Variants in KMT2D observed in about 807,000 individuals in gnomAD.
KMT2D encodes the protein lysine methyltransferase 2D.
A neutral mutation model predicts 512.7 loss-of-function variants in KMT2D; 55 were observed. That is an observed-to-expected ratio of 0.11 (90% CI 0.09 to 0.13). The LOEUF (loss-of-function observed/expected upper bound fraction) is 0.13. KMT2D is among the 10% of genes least tolerant of loss of function. The pLI is 1.00. For missense variants in KMT2D, 6,061 were observed against 7,127.9 expected (o/e 0.85, Z 5.39); for synonymous variants, 2,995 against 2,904.0 (o/e 1.03, Z -1.01).
rs776127830 is a variant in KMT2D at position 49,032,163 on chromosome 12, G to C, written c.12542C>G (p.Ser4181Cys). The change falls in exon 40 of 55, where the codon TCT (serine) becomes TGT (cysteine). Residue 4181 changes from serine (S) to cysteine (C), a missense_variant. By Grantham distance (112) the Ser-to-Cys change is moderately radical. Coordinates refer to ENST00000301067, the MANE Select transcript of KMT2D (RefSeq NM_003482.4). The part of the protein sequence containing the change: ...QPPKPGPVLQ[S>C]GQGLPGVGIM... ...TCCAACCCCAGGCAGACCCTGCCCA[G>C]ACTGGAGGACAGGTCCTGGTTTGGG... 26 of 1,613,052 alleles carry C rather than the reference G, an allele frequency of 1.6e-5. No individual in the cohort carries two copies. The highest frequency in any genetic ancestry group is 1.9e-5 in the Non-Finnish European group (22 of 1,179,334).
intron 1 of KMT2D, among the ~76,000 whole-genome samples, chr12:49,058,819 A>G (rs915157020): frequency 5.3e-5 from 8 of 152,178 alleles, no homozygotes; most frequent in African/African-American, 1.9e-4. Context: ...GGAGAAGGCA[A>G]AAGACAAAAG....
rs2120641753 is a variant in KMT2D, at chr12:49,049,858, C to A, written c.3730G>T (p.Val1244Phe). 1 of 1,613,962 alleles carries A rather than the reference C, an allele frequency of 6.2e-7. No homozygotes were observed. The highest frequency in any genetic ancestry group is 1.1e-5 in the South Asian group (1 of 91,082). ...CGGGCTGGACTAACATCCGTAGAGACCCCCAACTCCATGGACAGGGAGCCA... is the reference window on the plus strand; with the variant it reads ...CGGGCTGGACTAACATCCGTAGAGAACCCCAACTCCATGGACAGGGAGCCA... ...GGGSLSMELG[V>F]STDVSPARDE... The change falls in exon 12 of 55, where the codon GTC becomes TTC. Residue 1244 changes from valine (V) to phenylalanine (F), a missense_variant. Val to Phe is a conservative substitution (Grantham distance 50, BLOSUM62 -1). Around this residue, in one of 16 missense-constraint regions of KMT2D, gnomAD observed 447 missense variants for 500.1 expected, o/e 0.89. Transcript: ENST00000301067.
chr12:49,034,922 A>G lies in KMT2D; in HGVS notation c.10245T>C (p.Phe3415=). 6.2e-7 allele frequency: 1 copy of G among 1,613,992 alleles called. No individual in the cohort carries two copies. The highest frequency in any genetic ancestry group is 8.5e-7 in the Non-Finnish European group (1 of 1,179,888). Residue 3415 remains phenylalanine (F), a synonymous_variant, in exon 36 of 55, where the codon TTT becomes TTC. Transcript: ENST00000301067. The part of the protein sequence containing the change: ...SFFPDTDLDK[F]AAEDIIDPIA... ...TGGGATCAATGATATCTTCTGCAGCAAATTTGTCCAGGTCTGGAGAGGGGA... is the reference window on the plus strand; with the variant it reads ...TGGGATCAATGATATCTTCTGCAGCGAATTTGTCCAGGTCTGGAGAGGGGA...
chr12:49,033,764 A>C lies in KMT2D; in HGVS notation c.10941T>G (p.Pro3647=), dbSNP rs746567736. Residue 3647 remains proline, a synonymous_variant, in exon 40 of 55, where the codon CCT becomes CCG. Transcript: ENST00000301067. Reference sequence around the variant, plus strand: ...GAAGACCTCCGGCTTGCCCACCCGGAGGCCCCTGTGGTGGCTGCAGCCCAT... The same window carrying C: ...GAAGACCTCCGGCTTGCCCACCCGGCGGCCCCTGTGGTGGCTGCAGCCCAT... The part of the protein sequence containing the change: ...PGHGLQPPQG[P]PGGQAGGLRL... The C allele has an allele frequency of 1.2e-6, 2 of 1,611,502 alleles. No individual in the cohort carries two copies. The highest frequency in any genetic ancestry group is 4.5e-5 in the East Asian group (2 of 44,846).
In KMT2D at chr12:49,042,258, C is replaced by A. The variant is rs529189972; in HGVS notation, c.5940G>T (p.Thr1980=). The A allele has an allele frequency of 6.3e-7, 1 of 1,581,314 alleles. No individual in the cohort carries two copies. The highest frequency in any genetic ancestry group is 1.3e-5 in the African/African-American group (1 of 74,262). Residue 1980 remains threonine (T), a synonymous_variant, in exon 29 of 55, where the codon ACG becomes ACT. Transcript: ENST00000301067. The surrounding 1 kb of genome is among the most constrained non-coding windows in gnomAD (Gnocchi z 4.4). The part of the protein sequence containing the change: ...DSPWTGSGGT[T]PSTPTTPTTE... ...TGGTGGGGGTTGTGGGGGTGGAGGG[C>A]GTGGTGCCACCTGAGCCCGTCCAGG...
Position 49,059,710 on chromosome 12 carries a change from C to T in KMT2D, c.-135G>A, listed in dbSNP as rs1938622682. 1 of 152,012 alleles carries T rather than the reference C, an allele frequency of 6.6e-6. No individual in the cohort carries two copies. 9.4% of individuals were successfully genotyped at this position (152,012 alleles called of 1,614,324 possible). ...CCGCCAGAGCGATCACAGCCGCCCC[C>T]CGCACGGGGGGGCTTAGGGGGGCCA... On this transcript the variant is annotated 5_prime_UTR_variant, in exon 1 of 55. Coordinates refer to ENST00000301067, the MANE Select transcript of KMT2D (RefSeq NM_003482.4).
rs78764337 is a variant in KMT2D, at chr12:49,043,616, T to A, written c.5467+19A>T. 1.2e-6 allele frequency: 2 copies of A among 1,613,396 alleles called. No homozygotes were observed. Among genetic ancestry groups the A allele is most frequent in the Non-Finnish European group, 1.7e-6 (2 of 1,179,550 alleles). On this transcript the variant is annotated intron_variant, in intron 24 of 54. Transcript: ENST00000301067. ...AGAAAGTTGGATTCTCTCACACCAC[T>A]CACTCCCACATAACTAACCTTTCTG...
Position 49,032,914 on chromosome 12 carries a change from G to A in KMT2D, c.11791C>T (p.Leu3931Phe), listed in dbSNP as rs996158824. 44 of 1,550,104 alleles carry A rather than the reference G, an allele frequency of 2.8e-5. No individual in the cohort carries two copies. The highest frequency in any genetic ancestry group is 3.5e-5 in the Non-Finnish European group (40 of 1,146,918). The change falls in exon 40 of 55, where the codon CTT (leucine) becomes TTT (phenylalanine). Residue 3931 changes from leucine (L) to phenylalanine (F), a missense_variant. Transcript: ENST00000301067. ...TGCTGCTGCTGTTGCTGCTGTTGAAGCTGTTGCTGCTGAAGTTGCTGTTGC... is the reference window on the plus strand; with the variant it reads ...TGCTGCTGCTGTTGCTGCTGTTGAAACTGTTGCTGCTGAAGTTGCTGTTGC... ...QQQQQLQQQQ[L>F]QQQQQQQQLQ...
In KMT2D at chr12:49,022,939, T is replaced by A. The variant is rs1942396801; in HGVS notation, c.16053-64A>T. The A allele has an allele frequency of 1.4e-6, 2 of 1,460,610 alleles. No individual in the cohort carries two copies. The highest frequency in any genetic ancestry group is 1.8e-6 in the Non-Finnish European group (2 of 1,091,080). 90.5% of individuals were successfully genotyped at this position (1,460,610 alleles called of 1,614,324 possible). On this transcript the variant is annotated intron_variant, in intron 51 of 54. Transcript: ENST00000301067. The surrounding 1 kb of genome is among the most constrained non-coding windows in gnomAD (Gnocchi z 8.6). ...TCAGACCAAGTACATACCACCCACC[T>A]CCTCTGCCACCTCCTGGGATGTGCA... is the stretch of plus-strand genomic sequence containing the variant.
rs2137707588 is a variant in KMT2D at position 49,022,819 on chromosome 12, C to T, written c.16109G>A (p.Gly5370Asp). 1 of 1,613,276 alleles carries T rather than the reference C, an allele frequency of 6.2e-7. No individual in the cohort carries two copies. The highest frequency in any genetic ancestry group is 8.5e-7 in the Non-Finnish European group (1 of 1,179,552). ...MSKAYQSTFT[G>D]ETNTPYSKQF... Reference sequence around the variant, plus strand: ...CTTGCTGTAGGGGGTGTTGGTCTCGCCTGTGAAGGTGCTCTGATATGCCTT... The same window carrying T: ...CTTGCTGTAGGGGGTGTTGGTCTCGTCTGTGAAGGTGCTCTGATATGCCTT... The change falls in exon 52 of 55, where the codon GGC becomes GAC. Residue 5370 changes from glycine (G) to aspartate (D), a missense_variant. Transcript: ENST00000301067. This position sits in a 1 kb window ranked among gnomAD's most constrained non-coding sequence, Gnocchi z 8.6.
At chr12:49,025,843 C>T (rs1942552487) in intron 49 of KMT2D, among the ~76,000 whole-genome samples, 1 of 152,142 alleles carries the variant, frequency 6.6e-6, no homozygotes, top group Admixed American at 6.5e-5. Context: ...TGATTTCGTC[C>T]AGGGAAAAAC....
rs761717148 is a variant in KMT2D at position 49,031,303 on chromosome 12, G to C, written c.13402C>G (p.Arg4468Gly). The C allele has an allele frequency of 6.2e-7, 1 of 1,613,508 alleles. No homozygotes were observed. Among genetic ancestry groups the C allele is most frequent in the Non-Finnish European group, 8.5e-7 (1 of 1,179,882 alleles). Residue 4468 changes from arginine to glycine, a missense_variant, in exon 40 of 55, where the codon CGG becomes GGG. This residue lies in a region of KMT2D where 1,600 missense variants were observed against 1,754.9 expected (regional missense o/e 0.91). Coordinates refer to ENST00000301067, the MANE Select transcript of KMT2D (RefSeq NM_003482.4). ...AGHLLLQKLLRAKNVQLSTGR... is the reference protein window; with the variant it reads ...AGHLLLQKLLGAKNVQLSTGR... ...GTGCTGAGTTGCACATTCTTTGCCC[G>C]GAGTAGCTTCTGCAAGAGCAGATGC...
At chr12:49,055,624 G>A (rs1037866053) in intron 1 of KMT2D, among the ~76,000 whole-genome samples, 1 of 152,218 alleles carries the variant, frequency 6.6e-6, no homozygotes, top group African/African-American at 2.4e-5. Context: ...CTCTGTAAGA[G>A]TTCCTGGGGC....
rs1943474073 is a variant in KMT2D at position 49,040,736 on chromosome 12, A to G, written c.7034T>C (p.Leu2345Ser). 6.2e-7 allele frequency: 1 copy of G among 1,613,392 alleles called. No individual in the cohort carries two copies. The highest frequency in any genetic ancestry group is 1.1e-5 in the South Asian group (1 of 91,090). ...GGGTGGCTCCTGGGGCCTTAGGCCCAAGCCCGGGCTCTGGGGCTCTACCTG... is the reference window on the plus strand; with the variant it reads ...GGGTGGCTCCTGGGGCCTTAGGCCCGAGCCCGGGCTCTGGGGCTCTACCTG... ...ASQVEPQSPG[L>S]GLRPQEPPPA... Residue 2345 changes from leucine to serine, a missense_variant, in exon 32 of 55, where the codon TTG becomes TCG. By Grantham distance (145) the Leu-to-Ser change is moderately radical (BLOSUM62 -2). Around this residue, in one of 16 missense-constraint regions of KMT2D, gnomAD observed 710 missense variants for 647.3 expected, o/e 1.10. Transcript: ENST00000301067.
intron 1 of KMT2D, among the ~76,000 whole-genome samples, chr12:49,056,595 T>C (rs537745553): frequency 6.6e-6 from 1 of 152,330 alleles, no homozygotes; most frequent in East Asian, 1.9e-4. Flanking sequence ...ACAGTGTTCC[T>C]AGAGAAAGTG....
chr12:49,019,822 C>A lies in KMT2D; in HGVS notation c.*1958G>T. ...TAAAAAAAAAAAATCTCCCTACCCC[C>A]AACAATCCACAACCCCCCAAATTCA... is the stretch of plus-strand genomic sequence containing the variant. On this transcript the variant is annotated 3_prime_UTR_variant, in exon 55 of 55. Transcript: ENST00000301067. 1 of 225,832 alleles carries A rather than the reference C, an allele frequency of 4.4e-6. No individual in the cohort carries two copies. Among genetic ancestry groups the A allele is most frequent in the Non-Finnish European group, 8.8e-6 (1 of 113,486 alleles). 14.0% of individuals were successfully genotyped at this position (225,832 alleles called of 1,614,324 possible). A position where few individuals can be genotyped will look rare whatever the true frequency, so the allele number is the denominator to read the frequency against.
Position 49,049,823 on chromosome 12 carries a change from G to A in KMT2D, c.3765C>T (p.Gly1255=), listed in dbSNP as rs370363809. Residue 1255 remains glycine (G), a synonymous_variant, in exon 12 of 55, where the codon GGC becomes GGT. Transcript: ENST00000301067. ...GTGAGTCAGTACAGAGCCGTAGGGA[G>A]CCCTCATCTCGGGCTGGACTAACAT... The part of the protein sequence containing the change: ...STDVSPARDE[G]SLRLCTDSLP... The A allele has an allele frequency of 5.3e-5, 85 of 1,613,852 alleles. No homozygotes were observed. Among genetic ancestry groups the A allele is most frequent in the Non-Finnish European group, 7.0e-5 (83 of 1,179,900 alleles).
chr12:49,058,383 C>A (rs907950670), intron 1 of KMT2D, among the ~76,000 whole-genome samples: 1 of 152,204 alleles, frequency 6.6e-6, no homozygotes, highest in Non-Finnish European at 1.5e-5. Flanking sequence ...CTTTAAAAGG[C>A]AAAACCCCTA....
rs952760497 is a variant in KMT2D, at chr12:49,052,286, C to G, written c.1397G>C (p.Arg466Pro). The change falls in exon 11 of 55, where the codon CGC (arginine) becomes CCC (proline). Residue 466 changes from arginine (R) to proline (P), a missense_variant. Arg to Pro is a moderately radical substitution (Grantham distance 103). Around this residue, in one of 16 missense-constraint regions of KMT2D, gnomAD observed 848 missense variants for 838.5 expected, o/e 1.01. Transcript: ENST00000301067. ...SPTSPPPEAS[R>P]LSPPPEELPA... ...CAATTCCTCAGGTGGTGGTGACAGG[C>G]GTGATGCCTCAGGTGGTGGGGACGT... is the stretch of plus-strand genomic sequence containing the variant. 3 of 1,588,566 alleles carry G rather than the reference C, an allele frequency of 1.9e-6. No individual in the cohort carries two copies. Among genetic ancestry groups the G allele is most frequent in the Non-Finnish European group, 2.6e-6 (3 of 1,167,462 alleles).
Sources: gnomAD v4.1 joint callset for allele counts (sites outside exome capture counted in the v4.1 genomes callset) on GRCh38, gnomAD v4.1.1 for gene constraint, gnomAD v4.1.1 regional missense constraint, Gnocchi (gnomAD v3.1) non-coding constraint, MANE v1.5 for transcripts, NCBI Gene and HGNC (gene_info 2026-07-23, HGNC 2026-07-21) for gene names.